Variants in NAALADL1 observed in about 807,000 individuals in gnomAD.
The protein encoded by NAALADL1 is aminopeptidase NAALADL1.
NAALADL1 carries 77 observed loss-of-function variants against 82.8 expected under a neutral mutation model. The observed-to-expected ratio is 0.93, with a 90% CI of 0.77 to 1.12. The LOEUF (loss-of-function observed/expected upper bound fraction) is 1.12. Ranked by LOEUF, NAALADL1 falls within the 50% of genes most tolerant of loss-of-function variation. The pLI, the probability that NAALADL1 is intolerant of heterozygous loss-of-function variation, is 0.00. For missense variants in NAALADL1, 956 were observed against 964.0 expected (o/e 0.99, Z 0.11); for synonymous variants, 358 against 399.2 (o/e 0.90, Z 1.23).
At chr11:65,059,100 C>T (rs1312473248), upstream of NAALADL1, among the ~76,000 whole-genome samples, 2 of 151,192 alleles carry the variant, frequency 1.3e-5, no homozygotes, top group African/African-American at 4.9e-5. Context: ...GCAACCTCCA[C>T]CTCCCGGGCT....
At chr11:65,060,440 G>A (rs1425551118), upstream of NAALADL1, among the ~76,000 whole-genome samples, 2 of 152,096 alleles carry the variant, frequency 1.3e-5, no homozygotes. Flanking sequence ...GAGGACACAG[G>A]ACAGTCACCA....
At chr11:65,055,837 T>G (rs1947023471) in intron 4 of NAALADL1, among the ~76,000 whole-genome samples, 1 of 151,638 alleles carries the variant, frequency 6.6e-6, no homozygotes, top group Non-Finnish European at 1.5e-5. Flanking sequence ...TTCCTTTCTC[T>G]CCACCTTCCT....
In NAALADL1 at chr11:65,045,264, G is replaced by T. The variant is rs1946690752; in HGVS notation, c.*7C>A. 5.0e-6 allele frequency: 8 copies of T among 1,602,968 alleles called. No individual in the cohort carries two copies. Among genetic ancestry groups the T allele is most frequent in the Non-Finnish European group, 6.8e-6 (8 of 1,173,384 alleles). ...GTAAAGGGAGGGCTGAAGAAAGAGG[G>T]CTGGGGTCAGAGGTCAGCCACAGGC... On this transcript the variant is annotated 3_prime_UTR_variant, in exon 18 of 18. Transcript: ENST00000358658.
At chr11:65,047,935 G>T (rs1437130835) in intron 11 of NAALADL1, 46 bp downstream of exon 11, 4 of 838,974 alleles carry the variant, frequency 4.8e-6, no homozygotes, top group East Asian at 7.1e-5. Context: ...CGCCGCACGC[G>T]GCCCGCCCCA....
In NAALADL1 at chr11:65,054,857, G is replaced by A. The variant is rs974478869; in HGVS notation, c.604-119C>T. On this transcript the variant is annotated intron_variant, in intron 4 of 17. Transcript: ENST00000358658. This position sits in a 1 kb window ranked among gnomAD's most constrained non-coding sequence, Gnocchi z 4.3. Reference sequence around the variant, plus strand: ...TAGACCAATCTTCCATGGGCAAGATGACGTTTGCACAAGTCATTTATGGCA... The same window carrying A: ...TAGACCAATCTTCCATGGGCAAGATAACGTTTGCACAAGTCATTTATGGCA... 1 of 1,334,866 alleles carries A rather than the reference G, an allele frequency of 7.5e-7. No individual in the cohort carries two copies. The highest frequency in any genetic ancestry group is 1.0e-6 in the Non-Finnish European group (1 of 993,118). 82.7% of individuals were successfully genotyped at this position (1,334,866 alleles called of 1,614,324 possible).
rs1375042894 is a variant in NAALADL1 at position 65,053,497 on chromosome 11, C to T, written c.1072G>A (p.Glu358Lys). The part of the protein sequence containing the change: ...NVLGIIRGAV[E>K]PDRYVLYGNH... ...CAGCAAGAGGAGGGCTCACCAGGCT[C>T]CACAGCCCCACGGATGATGCCCAGG... is the stretch of plus-strand genomic sequence containing the variant. The change falls in exon 7 of 18, where the codon GAG becomes AAG. Residue 358 changes from glutamate (E) to lysine (K), a missense_variant. Coordinates refer to ENST00000358658, the MANE Select transcript of NAALADL1 (RefSeq NM_005468.3). The surrounding 1 kb of genome is among the most constrained non-coding windows in gnomAD (Gnocchi z 4.3). 2 of 1,613,714 alleles carry T rather than the reference C, an allele frequency of 1.2e-6. No individual in the cohort carries two copies. Among genetic ancestry groups the T allele is most frequent in the Non-Finnish European group, 1.7e-6 (2 of 1,179,974 alleles).
Position 65,045,094 on chromosome 11 carries a change from A to C in NAALADL1, c.*177T>G. 2.8e-6 allele frequency: 2 copies of C among 705,068 alleles called. No homozygotes were observed. The highest frequency in any genetic ancestry group is 3.6e-5 in the African/African-American group (2 of 55,858). The allele number at this position is 705,068 out of a possible 1,614,324, so 43.7% of individuals were successfully genotyped here. ...CCTCTGCCACCTAAGCACCAGGATG[A>C]GGGTGAGTTGCATTAGGGCTTGCCA... On this transcript the variant is annotated 3_prime_UTR_variant, in exon 18 of 18. Transcript: ENST00000358658.
At position 65,045,436 on chromosome 11, in the gene NAALADL1, G is replaced by T. The variant is rs1440497879; in HGVS notation, c.2058C>A (p.Arg686=). The T allele has an allele frequency of 6.2e-7, 1 of 1,610,844 alleles. No homozygotes were observed. The highest frequency in any genetic ancestry group is 1.3e-5 in the African/African-American group (1 of 74,888). Reference sequence around the variant, plus strand: ...CCGGGAATGTGACTACGGAGCCCGTGCGAGGTGCCCAGAGCACATGGCTGA... The same window carrying T: ...CCGGGAATGTGACTACGGAGCCCGTTCGAGGTGCCCAGAGCACATGGCTGA... ...RYYSHVLWAP[R]TGSVVTFPGL... Residue 686 remains arginine (R), a synonymous_variant, in exon 18 of 18, where the codon CGC becomes CGA. Transcript: ENST00000358658.
chr11:65,045,890 A>G lies in NAALADL1; in HGVS notation c.1968T>C (p.Asn656=). 6.2e-7 allele frequency: 1 copy of G among 1,614,144 alleles called. No homozygotes were observed. Among genetic ancestry groups the G allele is most frequent in the Middle Eastern group, 1.7e-4 (1 of 6,046 alleles). ...SPDPLQVRML[N]DQLMLLERTF... Reference sequence around the variant, plus strand: ...TCCGTTCCAAGAGCATCAACTGGTCATTGAGCATCCGGACCTGCAGGGGGC... The same window carrying G: ...TCCGTTCCAAGAGCATCAACTGGTCGTTGAGCATCCGGACCTGCAGGGGGC... The change falls in exon 17 of 18, where the codon AAT becomes AAC. Residue 656 remains asparagine, a synonymous_variant. Coordinates refer to ENST00000358658, the MANE Select transcript of NAALADL1 (RefSeq NM_005468.3).
At chr11:65,047,616 G>A in intron 12 of NAALADL1, 31 bp downstream of exon 12, 1 of 1,585,262 alleles carries the variant, frequency 6.3e-7, no homozygotes, top group Non-Finnish European at 8.6e-7. Flanking sequence ...GGACCGCCTC[G>A]CTCCGGGCCC....
In NAALADL1 at chr11:65,054,133, G is replaced by A. The variant is rs1946967538; in HGVS notation, c.992+117C>T. 2.2e-6 allele frequency: 2 copies of A among 914,478 alleles called. No individual in the cohort carries two copies. The highest frequency in any genetic ancestry group is 1.7e-5 in the African/African-American group (1 of 60,054). 56.6% of individuals were successfully genotyped at this position (914,478 alleles called of 1,614,324 possible). ...GTCAGGAGAGGGTCTGGGAGAGAGAGGAAAGGGAAAAAGGTCAGGCTTTGA... is the reference window on the plus strand; with the variant it reads ...GTCAGGAGAGGGTCTGGGAGAGAGAAGAAAGGGAAAAAGGTCAGGCTTTGA... On this transcript the variant is annotated intron_variant, in intron 6 of 17. Coordinates refer to ENST00000358658, the MANE Select transcript of NAALADL1 (RefSeq NM_005468.3). This position sits in a 1 kb window ranked among gnomAD's most constrained non-coding sequence, Gnocchi z 4.3.
rs1285487394 is a variant in NAALADL1 at position 65,054,593 on chromosome 11, T to C, written c.749A>G (p.Tyr250Cys). 2.5e-6 allele frequency: 4 copies of C among 1,613,724 alleles called. No individual in the cohort carries two copies. The highest frequency in any genetic ancestry group is 1.7e-5 in the Admixed American group (1 of 59,954). The change falls in exon 5 of 18, where the codon TAC becomes TGC. Residue 250 changes from tyrosine (Y) to cysteine (C), a missense_variant. Tyr to Cys is a radical substitution (Grantham distance 194). Coordinates refer to ENST00000358658, the MANE Select transcript of NAALADL1 (RefSeq NM_005468.3). This position sits in a 1 kb window ranked among gnomAD's most constrained non-coding sequence, Gnocchi z 4.3. ...AGTCAGAGGGTCCCCAAAATACTCG[T>C]AGTAGGAGCCTCGCTCCACTCCTGA... Reference protein sequence around the residue: ...PPSGVERGSYYEYFGDPLTPY... With the variant: ...PPSGVERGSYCEYFGDPLTPY...
intron 17 of NAALADL1, 56 bp downstream of exon 17, chr11:65,045,766 G>T: frequency 2.0e-6 from 3 of 1,524,128 alleles, no homozygotes; most frequent in East Asian, 4.5e-5. Context: ...CTCAGGTGGG[G>T]AGCCATTGTC....
Position 65,053,455 on chromosome 11 carries a change from G to A in NAALADL1, c.1078+36C>T. ...GGACAGCGGCATCCAGAGCAGAGCA[G>A]GGGCCTGGGGTGCAGGCAGCAAGAG... is the stretch of plus-strand genomic sequence containing the variant. On this transcript the variant is annotated intron_variant, in intron 7 of 17. Transcript: ENST00000358658. This position sits in a 1 kb window ranked among gnomAD's most constrained non-coding sequence, Gnocchi z 4.3. 6.2e-7 allele frequency: 1 copy of A among 1,613,242 alleles called. No individual in the cohort carries two copies.
chr11:65,057,628 C>T (rs1250091138), intron 3 of NAALADL1, 135 bp from the exon 4 acceptor site: 1 of 1,317,072 alleles, frequency 7.6e-7, no homozygotes, highest in Non-Finnish European at 1.0e-6. Flanking sequence ...GTAAGCTCCC[C>T]AAGAACAGTC....
chr11:65,048,267 C>T, intron 9 of NAALADL1, 33 bp downstream of exon 9: 1 of 1,614,128 alleles, frequency 6.2e-7, no homozygotes, highest in East Asian at 2.2e-5. Context: ...CCTGGGAACC[C>T]CTTTCGATCC....
At chr11:65,055,759 A>T (rs1947020504) in intron 4 of NAALADL1, among the ~76,000 whole-genome samples, 1 of 152,042 alleles carries the variant, frequency 6.6e-6, no homozygotes, top group African/African-American at 2.4e-5. Flanking sequence ...TTAATTAATA[A>T]TCTGTGTATT....
upstream of NAALADL1, among the ~76,000 whole-genome samples, chr11:65,059,258 C>T (rs1420601014): frequency 6.6e-6 from 1 of 152,166 alleles, no homozygotes; most frequent in African/African-American, 2.4e-5. Flanking sequence ...GGTGATCACC[C>T]GCCTCAGCCT....
rs1228542090 is a variant in NAALADL1 at position 65,057,971 on chromosome 11, G to A, written c.384C>T (p.His128=). The change falls in exon 3 of 18, where the codon CAC becomes CAT. Residue 128 remains histidine, a synonymous_variant. Transcript: ENST00000358658. ...DIVGPTGGII[H]SCHRTEENVT... ...CGTTCTCCTCAGTCCGGTGGCAGGAGTGGATGATGCCCCCAGTGGGGCCCA... is the reference window on the plus strand; with the variant it reads ...CGTTCTCCTCAGTCCGGTGGCAGGAATGGATGATGCCCCCAGTGGGGCCCA... 15 of 1,614,090 alleles carry A rather than the reference G, an allele frequency of 9.3e-6. No individual in the cohort carries two copies. The highest frequency in any genetic ancestry group is 1.2e-5 in the Non-Finnish European group (14 of 1,180,024).
Sources: gnomAD v4.1 joint callset for allele counts (sites outside exome capture counted in the v4.1 genomes callset) on GRCh38, gnomAD v4.1.1 for gene constraint, Gnocchi (gnomAD v3.1) non-coding constraint, MANE v1.5 for transcripts, NCBI Gene and HGNC (gene_info 2026-07-23, HGNC 2026-07-21) for gene names.